Variants in PSEN2 observed in about 807,000 individuals in gnomAD.
PSEN2 encodes the protein presenilin-2.
Under a neutral mutation model 49.1 loss-of-function variants are expected in PSEN2, and 32 were observed. That is an observed-to-expected ratio of 0.65 (90% CI 0.49 to 0.88). The LOEUF (loss-of-function observed/expected upper bound fraction) is 0.88, where lower values mean the gene tolerates loss of function less well. Among genes scored for constraint, PSEN2 ranks in the 40% least tolerant of loss-of-function variants. The pLI is 0.00. For missense variants in PSEN2, 522 were observed against 586.9 expected, an observed-to-expected ratio of 0.89 and a Z score of 1.14; for synonymous variants, 255 against 244.0, an observed-to-expected ratio of 1.05 and a Z score of -0.42.
At chr1:226,872,066 C>T (rs1660333220) in intron 2 of PSEN2, among the ~76,000 whole-genome samples, 1 of 152,186 alleles carries the variant, frequency 6.6e-6, no homozygotes, top group Non-Finnish European at 1.5e-5. Flanking sequence ...AGCATGTTCA[C>T]ATGTGGGGAG....
chr1:226,883,924 G>GT lies in PSEN2; in HGVS notation c.356+7dup. On this transcript the variant is annotated splice_donor_region_variant and intron_variant, in intron 5 of 12. Coordinates refer to ENST00000366783, the MANE Select transcript of PSEN2 (RefSeq NM_000447.3). ...CACAGAGAAGAATGGACAGCTGTGA[G>GT]TTGGGGGGCTGGGGGGAGCAGGGTG... The GT allele has an allele frequency of 1.3e-6, 2 of 1,582,042 alleles. No homozygotes were observed. The highest frequency in any genetic ancestry group is 1.7e-6 in the Non-Finnish European group (2 of 1,155,402).
Position 226,890,076 on chromosome 1 carries a change from C to A in PSEN2, c.829C>A (p.Leu277Met). Residue 277 changes from leucine (L) to methionine (M), a missense_variant, in exon 9 of 13, where the codon CTG becomes ATG. Coordinates refer to ENST00000366783, the MANE Select transcript of PSEN2 (RefSeq NM_000447.3). ...VLCPKGPLRM[L>M]VETAQERNEP... is the part of the protein sequence containing the mutation. ...GTGTCCCAAAGGGCCTCTGAGAATG[C>A]TGGTAGAAACTGCCCAGGAGAGAAA... 1 of 1,614,080 alleles carries A rather than the reference C, an allele frequency of 6.2e-7. No homozygotes were observed.
chr1:226,872,525 A>C (rs532285087), intron 2 of PSEN2, among the ~76,000 whole-genome samples: 13 of 152,024 alleles, frequency 8.6e-5, no homozygotes, highest in Non-Finnish European at 1.6e-4. Context: ...CCTGTATTCA[A>C]CTCCTACCCG....
chr1:226,893,553 T>G (rs192472758), intron 11 of PSEN2, among the ~76,000 whole-genome samples: 52 of 152,324 alleles, frequency 3.4e-4, no homozygotes, highest in Admixed American at 3.3e-3. Context: ...CCCAGTTATA[T>G]TTACCTGTTG....
At chr1:226,889,809 G>A (rs1167955069) in intron 8 of PSEN2, among the ~76,000 whole-genome samples, 2 of 152,200 alleles carry the variant, frequency 1.3e-5, no homozygotes, top group South Asian at 4.1e-4. Flanking sequence ...TGGCCACCGC[G>A]TCTCGGGTGC....
chr1:226,896,863 C>G (rs1486445598), downstream of PSEN2, among the ~76,000 whole-genome samples: 2 of 152,080 alleles, frequency 1.3e-5, no homozygotes, highest in African/African-American at 4.8e-5. Flanking sequence ...CAAGTGTGCC[C>G]TGGGGTTCAA....
At chr1:226,885,440 C>T in intron 5 of PSEN2, 98 bp from the exon 6 acceptor site, 1 of 1,428,854 alleles carries the variant, frequency 7.0e-7, no homozygotes, top group South Asian at 1.3e-5. Flanking sequence ...GCATGGGCAT[C>T]CCAGGCACCT....
intron 12 of PSEN2, 35 bp downstream of exon 12, chr1:226,894,160 G>C (rs202069038): frequency 6.3e-7 from 1 of 1,575,776 alleles, no homozygotes; most frequent in East Asian, 2.2e-5. Context: ...CTGCCTCGTG[G>C]TGGGGGCCCC....
downstream of PSEN2, among the ~76,000 whole-genome samples, chr1:226,900,565 G>T (rs904885212): frequency 1.3e-5 from 2 of 152,212 alleles, no homozygotes; most frequent in Non-Finnish European, 2.9e-5. Flanking sequence ...CTTTCTTTCA[G>T]CTACTTGAGA....
chr1:226,889,105 G>A (rs565612896), intron 8 of PSEN2, 56 bp downstream of exon 8: 236 of 1,500,168 alleles, frequency 1.6e-4, no homozygotes, highest in Non-Finnish European at 2.0e-4. Flanking sequence ...GGGCCAAATC[G>A]TCCCCAGTGC....
At chr1:226,885,420 C>A in intron 5 of PSEN2, 118 bp from the exon 6 acceptor site, 2 of 1,160,510 alleles carry the variant, frequency 1.7e-6, no homozygotes, top group Non-Finnish European at 1.2e-6. Context: ...ATCAGGGCAG[C>A]ATGTGGGCAG....
intron 5 of PSEN2, among the ~76,000 whole-genome samples, chr1:226,884,168 C>T (rs979744456): frequency 1.3e-5 from 2 of 152,184 alleles, no homozygotes; most frequent in African/African-American, 4.8e-5. Context: ...AACGCAGTTA[C>T]TGGGAGAATT....
intron 5 of PSEN2, among the ~76,000 whole-genome samples, chr1:226,885,310 T>C (rs1419663112): frequency 6.6e-6 from 1 of 152,084 alleles, no homozygotes; most frequent in Non-Finnish European, 1.5e-5. Context: ...ACTGCTGCAC[T>C]GGGCCCAGTT....
intron 11 of PSEN2, among the ~76,000 whole-genome samples, chr1:226,893,202 A>G (rs768068259): frequency 7.2e-5 from 11 of 152,204 alleles, no homozygotes; most frequent in Non-Finnish European, 1.3e-4. Context: ...AAGTACTGGG[A>G]TTATAGGTCT....
chr1:226,888,752 G>C, intron 7 of PSEN2, 77 bp from the exon 8 acceptor site: 1 of 1,273,126 alleles, frequency 7.9e-7, no homozygotes, highest in East Asian at 2.3e-5. Context: ...GGCCAGGTTG[G>C]GACTGAATGG....
chr1:226,890,982 C>T (rs1405985231), intron 9 of PSEN2: 4 of 465,360 alleles, frequency 8.6e-6, no homozygotes, highest in Non-Finnish European at 1.6e-5. Context: ...CCAGGACTGT[C>T]ATGAGTGTCC....
At chr1:226,892,360 G>A (rs922268746) in intron 11 of PSEN2, among the ~76,000 whole-genome samples, 1 of 152,200 alleles carries the variant, frequency 6.6e-6, no homozygotes, top group African/African-American at 2.4e-5. Context: ...AGAGGAAGCC[G>A]GGGCGGGATG....
chr1:226,871,892 A>C (rs1162054215), intron 2 of PSEN2, among the ~76,000 whole-genome samples: 1 of 152,224 alleles, frequency 6.6e-6, no homozygotes, highest in East Asian at 1.9e-4. Flanking sequence ...CCCACCTCAG[A>C]GCTGCGTCCT....
chr1:226,872,000 G>T (rs1266699138), intron 2 of PSEN2, among the ~76,000 whole-genome samples: 4 of 152,246 alleles, frequency 2.6e-5, no homozygotes, highest in Non-Finnish European at 5.9e-5. Context: ...TCAGGTTTTT[G>T]GGGAAAACTC....
Sources: gnomAD v4.1 joint callset for allele counts (sites outside exome capture counted in the v4.1 genomes callset) on GRCh38, gnomAD v4.1.1 for gene constraint, MANE v1.5 for transcripts, NCBI Gene and HGNC (gene_info 2026-07-23, HGNC 2026-07-21) for gene names.